CA8: variants seen among roughly 807,000 people sequenced by gnomAD.
CA8 encodes the protein carbonic anhydrase 8 (inactive).
A neutral mutation model predicts 41.4 loss-of-function variants in CA8; 22 were observed. The ratio of observed to expected loss-of-function variants is 0.53; its 90% CI spans 0.38 to 0.76. The LOEUF (loss-of-function observed/expected upper bound fraction) is 0.76. Ranked by LOEUF, CA8 falls within the 30% of genes least tolerant of loss-of-function variation. CA8 has a pLI of 0.00. For synonymous variants in CA8, 121 were observed against 130.6 expected, an observed-to-expected ratio of 0.93 and a Z score of 0.50; for missense variants, 270 against 352.8, an observed-to-expected ratio of 0.77 and a Z score of 1.88.
intron 7 of CA8, among the ~76,000 whole-genome samples, chr8:60,212,033 T>C (rs1179202509): frequency 2.6e-5 from 4 of 152,240 alleles, no homozygotes; most frequent in Non-Finnish European, 4.4e-5. Context: ...AAACATAGTA[T>C]GTGTTATTTG....
intron 3 of CA8, 172 bp downstream of exon 3, chr8:60,265,753 G>A (rs1803882082): frequency 1.5e-6 from 1 of 688,354 alleles, no homozygotes; most frequent in East Asian, 2.8e-5. Context: ...GTAGACAGGA[G>A]GTTTCATGTG....
chr8:60,225,744 C>A (rs28686938), intron 5 of CA8, among the ~76,000 whole-genome samples: 51,779 of 152,072 alleles, frequency 0.34, 9,526 homozygotes, highest in Admixed American at 0.43. Context: ...GTATCTCCAG[C>A]AGCCCTACAA....
intron 3 of CA8, 82 bp from the exon 4 acceptor site, chr8:60,232,461 C>T (rs1807687565): frequency 2.1e-6 from 2 of 950,714 alleles, no homozygotes; most frequent in East Asian, 2.4e-5. Flanking sequence ...CATTTCTTTA[C>T]TATTTCTATA....
At chr8:60,196,772 A>T (rs1218384572) in intron 8 of CA8, among the ~76,000 whole-genome samples, 1 of 151,730 alleles carries the variant, frequency 6.6e-6, no homozygotes. Flanking sequence ...TTTATGGTTT[A>T]TCTGAAAAAA....
chr8:60,202,800 G>A (rs955004562), intron 8 of CA8, among the ~76,000 whole-genome samples: 5 of 152,038 alleles, frequency 3.3e-5, no homozygotes, highest in African/African-American at 9.7e-5. Context: ...CTGCAATCTC[G>A]TATTATTAGC....
chr8:60,199,817 A>C (rs145192268), intron 8 of CA8, among the ~76,000 whole-genome samples: 125 of 152,360 alleles, frequency 8.2e-4, no homozygotes, highest in African/African-American at 3.0e-3. Flanking sequence ...AGTAGCCCAA[A>C]GGATGAGGCC....
chr8:60,229,510 C>T (rs1403341243), intron 4 of CA8, among the ~76,000 whole-genome samples: 1 of 152,184 alleles, frequency 6.6e-6, no homozygotes, highest in Non-Finnish European at 1.5e-5. Flanking sequence ...CCAGGCATCA[C>T]CTCCTGCTGC....
chr8:60,200,309 T>C (rs531297866), intron 8 of CA8, among the ~76,000 whole-genome samples: 2 of 152,348 alleles, frequency 1.3e-5, no homozygotes, highest in East Asian at 1.9e-4. Context: ...GAGGATCAAA[T>C]GGAAGACATG....
At chr8:60,268,340 GCT>G (rs1803964451) in intron 2 of CA8, among the ~76,000 whole-genome samples, 1 of 152,108 alleles carries the variant, frequency 6.6e-6, no homozygotes, top group Non-Finnish European at 1.5e-5. Context: ...TTCTAAAACT[GCT>G]CTGTTACAAA....
intron 2 of CA8, among the ~76,000 whole-genome samples, chr8:60,271,098 T>A (rs192694399): frequency 5.9e-5 from 9 of 152,184 alleles, no homozygotes; most frequent in African/African-American, 2.2e-4. Flanking sequence ...ATCCCGGTTC[T>A]AAGGGAAGCC....
In CA8 at chr8:60,185,693, T is replaced by G. The variant is rs531443176; in HGVS notation, c.*4328A>C. On this transcript the variant is annotated 3_prime_UTR_variant, in exon 9 of 9. Coordinates refer to ENST00000317995, the MANE Select transcript of CA8 (RefSeq NM_004056.6). ...CAGAAACTTTTCACCAGGAGTTTTA[T>G]ATTTAGCAAAACTATCTCAAAGAAG... Among the ~76,000 whole-genome samples, 4 of 152,256 alleles carry G rather than the reference T, an allele frequency of 2.6e-5. No individual in the cohort carries two copies. The highest frequency in any genetic ancestry group is 9.6e-5 in the African/African-American group (4 of 41,568).
At chr8:60,263,850 C>T (rs7832414) in intron 3 of CA8, among the ~76,000 whole-genome samples, 52,011 of 151,964 alleles carry the variant, frequency 0.34, 9,015 homozygotes, top group Non-Finnish European at 0.38. Flanking sequence ...TCTAGTTCTG[C>T]ATAACCACAG....
chr8:60,191,139 A>G (rs376393002), intron 8 of CA8, among the ~76,000 whole-genome samples: 3 of 151,834 alleles, frequency 2.0e-5, no homozygotes, highest in Non-Finnish European at 4.4e-5. Context: ...GATAGTCACA[A>G]TAAAATCTTT....
intron 4 of CA8, among the ~76,000 whole-genome samples, chr8:60,228,299 T>G (rs1050088831): frequency 4.6e-5 from 7 of 152,210 alleles, no homozygotes; most frequent in African/African-American, 1.4e-4. Context: ...TAAAACCTAA[T>G]GCATATGTAC....
chr8:60,244,643 A>C (rs537650007), intron 3 of CA8, among the ~76,000 whole-genome samples: 2 of 152,364 alleles, frequency 1.3e-5, no homozygotes, highest in South Asian at 2.1e-4. Flanking sequence ...CCAACTTTAC[A>C]TAGCTAATAG....
chr8:60,209,209 G>A (rs1806747661), intron 7 of CA8, among the ~76,000 whole-genome samples: 1 of 152,178 alleles, frequency 6.6e-6, no homozygotes, highest in South Asian at 2.1e-4. Flanking sequence ...ATACAGGCCG[G>A]GCACAGTGGC....
At chr8:60,269,106 G>T (rs1165490480) in intron 2 of CA8, among the ~76,000 whole-genome samples, 1 of 152,134 alleles carries the variant, frequency 6.6e-6, no homozygotes, top group Non-Finnish European at 1.5e-5. Context: ...TTTACGAGGT[G>T]CCAGGTAAGA....
At chr8:60,247,000 C>T (rs1808268000) in intron 3 of CA8, among the ~76,000 whole-genome samples, 2 of 151,100 alleles carry the variant, frequency 1.3e-5, no homozygotes, top group South Asian at 4.2e-4. Flanking sequence ...TCTCCTGCCT[C>T]AGCCTCCCGA....
At chr8:60,237,260 C>T (rs1807866452) in intron 3 of CA8, among the ~76,000 whole-genome samples, 1 of 152,190 alleles carries the variant, frequency 6.6e-6, no homozygotes, top group South Asian at 2.1e-4. Flanking sequence ...ATCTTAAAAG[C>T]TTGGATTATT....
Sources: gnomAD v4.1 joint callset for allele counts (sites outside exome capture counted in the v4.1 genomes callset) on GRCh38, gnomAD v4.1.1 for gene constraint, MANE v1.5 for transcripts, NCBI Gene and HGNC (gene_info 2026-07-23, HGNC 2026-07-21) for gene names.